ADAMTS19: variants seen among roughly 807,000 people sequenced by gnomAD.
ADAMTS19 encodes A disintegrin and metalloproteinase with thrombospondin motifs 19.
Under a neutral mutation model 153.3 loss-of-function variants are expected in ADAMTS19, and 93 were observed. That is an observed-to-expected ratio of 0.61 (90% CI 0.51 to 0.72). The LOEUF is 0.72. Among genes scored for constraint, ADAMTS19 ranks in the 30% least tolerant of loss-of-function variants. The pLI is 0.00. For missense variants in ADAMTS19, 1,482 were observed against 1,552.1 expected, an observed-to-expected ratio of 0.95 and a Z score of 0.76; for synonymous variants, 600 against 556.6, an observed-to-expected ratio of 1.08 and a Z score of -1.10.
chr5:129,473,037 G>C (rs1750117693), intron 2 of ADAMTS19, among the ~76,000 whole-genome samples: 1 of 151,626 alleles, frequency 6.6e-6, no homozygotes, highest in Non-Finnish European at 1.5e-5. Flanking sequence ...GTATGTTCAG[G>C]TTAAAAGGAC....
At chr5:129,586,699 A>T (rs1348234964) in intron 7 of ADAMTS19, among the ~76,000 whole-genome samples, 1 of 152,168 alleles carries the variant, frequency 6.6e-6, no homozygotes, top group African/African-American at 2.4e-5. Context: ...ATATGGTAAG[A>T]GTATGTTTAG....
In ADAMTS19 at chr5:129,578,094, A is replaced by ATATGCATGTATATGTACGTATACG. The variant is rs1561580881; in HGVS notation, c.1373-18463_1373-18462insTGCATGTATATGTACGTATACGTA. ...CACACACACACATATATACATATAC[A>ATATGCATGTATATGTACGTATACG]TACATATACATATGCATGTATATGT... On this transcript the variant is annotated intron_variant, in intron 7 of 22. Coordinates refer to ENST00000274487, the MANE Select transcript of ADAMTS19 (RefSeq NM_133638.6). Among the ~76,000 whole-genome samples, 131 of 40,340 alleles carry ATATGCATGTATATGTACGTATACG rather than the reference A, an allele frequency of 3.2e-3. 13 individuals carry two copies. Among genetic ancestry groups the ATATGCATGTATATGTACGTATACG allele is most frequent in the African/African-American group, 5.1e-3 (123 of 24,304 alleles). 26.5% of individuals were successfully genotyped at this position (40,340 alleles called of 152,430 possible). A position where few individuals can be genotyped will look rare whatever the true frequency, so the allele number is the denominator to read the frequency against.
intron 17 of ADAMTS19, among the ~76,000 whole-genome samples, chr5:129,682,835 C>T (rs1337891547): frequency 1.3e-5 from 2 of 151,980 alleles, no homozygotes; most frequent in Non-Finnish European, 2.9e-5. Flanking sequence ...ACTAGTCTCC[C>T]AATCCGCACA....
chr5:129,694,804 C>T lies in ADAMTS19; in HGVS notation c.2903C>T (p.Thr968Ile). The T allele has an allele frequency of 6.2e-7, 1 of 1,605,378 alleles. No individual in the cohort carries two copies. Among genetic ancestry groups the T allele is most frequent in the Non-Finnish European group, 8.5e-7 (1 of 1,175,602 alleles). ...GACAATGAGAAATGCAAATACTTAA[C>T]CAAGCCAGAGCCACAGATTCGAAAG... ...IVDNEKCKYL[T>I]KPEPQIRKCN... is the part of the protein sequence containing the mutation. Residue 968 changes from threonine (T) to isoleucine (I), a missense_variant, in exon 19 of 23, where the codon ACC becomes ATC. By Grantham distance (89) the Thr-to-Ile change is moderately conservative. This residue lies in a region of ADAMTS19 where 616 missense variants were observed against 724.4 expected (regional missense o/e 0.85). Transcript: ENST00000274487.
At chr5:129,699,872 A>G (rs999557123) in intron 19 of ADAMTS19, among the ~76,000 whole-genome samples, 1 of 152,222 alleles carries the variant, frequency 6.6e-6, no homozygotes, top group African/African-American at 2.4e-5. Context: ...ACTATATATA[A>G]TATATCCTGA....
At chr5:129,649,087 T>C in intron 13 of ADAMTS19, 117 bp downstream of exon 13, 1 of 1,037,154 alleles carries the variant, frequency 9.6e-7, no homozygotes, top group Non-Finnish European at 1.4e-6. Flanking sequence ...GAACTTTAAT[T>C]TTTTCTACCT....
chr5:129,665,519 A>G lies in ADAMTS19; in HGVS notation c.2446A>G (p.Ile816Val). The G allele has an allele frequency of 6.2e-7, 1 of 1,610,492 alleles. No homozygotes were observed. Among genetic ancestry groups the G allele is most frequent in the Non-Finnish European group, 8.5e-7 (1 of 1,177,618 alleles). ...TACAGGTTATGTAGAAGTGCTGGTGATACCTGCTGGAGCAAGAAGAATCAA... is the reference window on the plus strand; with the variant it reads ...TACAGGTTATGTAGAAGTGCTGGTGGTACCTGCTGGAGCAAGAAGAATCAA... The part of the protein sequence containing the change: ...RGAGYVEVLV[I>V]PAGARRIKVV... Residue 816 changes from isoleucine to valine, a missense_variant, in exon 16 of 23, where the codon ATA (isoleucine) becomes GTA (valine). Coordinates refer to ENST00000274487, the MANE Select transcript of ADAMTS19 (RefSeq NM_133638.6).
chr5:129,718,154 TGTG>T (rs796152262), intron 21 of ADAMTS19, among the ~76,000 whole-genome samples: 6 of 152,316 alleles, frequency 3.9e-5, no homozygotes, highest in African/African-American at 1.2e-4. Context: ...CTTCCATTGT[TGTG>T]GTGATCAGTG....
chr5:129,500,023 G>C (rs1751047057), intron 2 of ADAMTS19, among the ~76,000 whole-genome samples: 2 of 152,062 alleles, frequency 1.3e-5, no homozygotes, highest in South Asian at 2.1e-4. Flanking sequence ...TTTTATCTCT[G>C]TTGTTTATTT....
At chr5:129,504,510 A>C (rs549178561) in intron 2 of ADAMTS19, among the ~76,000 whole-genome samples, 1 of 152,294 alleles carries the variant, frequency 6.6e-6, no homozygotes, top group East Asian at 1.9e-4. Context: ...GTTTTTTGTG[A>C]TGACCACATT....
intron 2 of ADAMTS19, among the ~76,000 whole-genome samples, chr5:129,484,110 AT>A (rs1395136429): frequency 6.6e-6 from 1 of 151,814 alleles, no homozygotes; most frequent in African/African-American, 2.4e-5. Flanking sequence ...CACAATTTAC[AT>A]TTTTTCTTTT....
At position 129,701,637 on chromosome 5, in the gene ADAMTS19, T is replaced by C. The variant is rs372079565; in HGVS notation, c.3159+45T>C. 24 of 1,594,472 alleles carry C rather than the reference T, an allele frequency of 1.5e-5. No individual in the cohort carries two copies. In the African/African-American group the frequency reaches 3.1e-4, roughly 20 times the overall value. On this transcript the variant is annotated intron_variant, in intron 20 of 22. Transcript: ENST00000274487. ...CTTTCCCCATTCCTACTCTGACTCC[T>C]AGCTTGTACAAGATCAGGTTGGATC...
At chr5:129,554,434 A>G (rs1023855770) in intron 7 of ADAMTS19, among the ~76,000 whole-genome samples, 3 of 152,102 alleles carry the variant, frequency 2.0e-5, no homozygotes, top group Non-Finnish European at 4.4e-5. Flanking sequence ...CATATGATCT[A>G]TTCCCTATAT....
At chr5:129,722,062 A>ATG in intron 21 of ADAMTS19, among the ~76,000 whole-genome samples, 1 of 152,302 alleles carries the variant, frequency 6.6e-6, no homozygotes, top group Middle Eastern at 3.4e-3. Context: ...CAATAAACAT[A>ATG]TGTGTGTGTG....
chr5:129,460,397 G>C lies in ADAMTS19; in HGVS notation c.6G>C (p.Gly2=). 1 of 1,613,708 alleles carries C rather than the reference G, an allele frequency of 6.2e-7. No homozygotes were observed. The highest frequency in any genetic ancestry group is 8.5e-7 in the Non-Finnish European group (1 of 1,179,980). Reference sequence around the variant, plus strand: ...CGCGGCCGCGGGAGCGCAGTATGGGGAAGAACCGCGAGATGCGCCTGACTC... The same window carrying C: ...CGCGGCCGCGGGAGCGCAGTATGGGCAAGAACCGCGAGATGCGCCTGACTC... The part of the protein sequence containing the change: M[G]KNREMRLTHI... The change falls in exon 1 of 23, where the codon GGG becomes GGC. Residue 2 remains glycine, a synonymous_variant. Transcript: ENST00000274487.
Position 129,684,194 on chromosome 5 carries a change from C to T in ADAMTS19, c.2739C>T (p.Asn913=). The T allele has an allele frequency of 3.1e-6, 5 of 1,614,184 alleles. No individual in the cohort carries two copies. Among genetic ancestry groups the T allele is most frequent in the Non-Finnish European group, 4.2e-6 (5 of 1,180,040 alleles). Residue 913 remains asparagine (N), a synonymous_variant, in exon 18 of 23, where the codon AAC becomes AAT. Transcript: ENST00000274487. The part of the protein sequence containing the change: ...YTIPSDPLPE[N]QSSKAPEPLF... ...TCCCATCAGACCCTCTTCCAGAAAA[C>T]CAGAGCTCTAAAGCACCTGAGCCCC...
intron 6 of ADAMTS19, 130 bp from the exon 7 acceptor site, chr5:129,551,734 A>G (rs2126823457): frequency 7.0e-6 from 4 of 572,032 alleles, no homozygotes; most frequent in East Asian, 3.3e-5. Flanking sequence ...TCTTATTCAC[A>G]GTTTTATTAG....
chr5:129,679,889 A>G lies in ADAMTS19; in HGVS notation c.2632A>G (p.Lys878Glu). 1.2e-6 allele frequency: 2 copies of G among 1,614,042 alleles called. No individual in the cohort carries two copies. The highest frequency in any genetic ancestry group is 1.7e-6 in the Non-Finnish European group (2 of 1,179,960). The change falls in exon 17 of 23, where the codon AAA (lysine) becomes GAA (glutamate). Residue 878 changes from lysine (K) to glutamate (E), a missense_variant. By Grantham distance (56) the Lys-to-Glu change is moderately conservative. Transcript: ENST00000274487. ...RRGLWEKISA[K>E]GPTTAPLHLL... ...AGGCCTCTGGGAGAAGATCTCTGCC[A>G]AAGGTCCTACTACAGCACCTTTACA...
At position 129,622,190 on chromosome 5, in the gene ADAMTS19, ATTGCCAGGTCAAAGG is replaced by A. The variant is rs775185475; in HGVS notation, c.1620-7_1627del. The A allele has an allele frequency of 6.2e-7, 1 of 1,614,034 alleles. No homozygotes were observed. Among genetic ancestry groups the A allele is most frequent in the Non-Finnish European group, 8.5e-7 (1 of 1,179,924 alleles). On this transcript the variant is annotated splice_acceptor_variant and splice_polypyrimidine_tract_variant and coding_sequence_variant and intron_variant, in exon 10 of 23. Transcript: ENST00000274487. LOFTEE classifies it high-confidence loss of function. ...TTCAAAAGTTTACACATACCTGCCT[ATTGCCAGGTCAAAGG>A]CCAGTAACTGCTTGCTACAAACAAA... is the stretch of plus-strand genomic sequence containing the variant.
Sources: allele counts gnomAD v4.1 joint callset (sites outside exome capture counted in the v4.1 genomes callset), GRCh38; gene constraint gnomAD v4.1.1; regional missense constraint gnomAD v4.1.1; transcripts MANE v1.5; gene names NCBI Gene and HGNC (gene_info 2026-07-23, HGNC 2026-07-21).